Variants in PHF20L1 observed in about 807,000 individuals in gnomAD.
PHF20L1 encodes PHD finger protein 20-like protein 1.
PHF20L1 carries 44 observed loss-of-function variants against 125.5 expected under a neutral mutation model. The ratio of observed to expected loss-of-function variants is 0.35; its 90% confidence interval spans 0.28 to 0.45. The LOEUF is 0.45. Ranked by LOEUF, PHF20L1 falls within the 20% of genes least tolerant of loss-of-function variation. The pLI, the probability that PHF20L1 is intolerant of heterozygous loss-of-function variation, is 1.00. For synonymous variants in PHF20L1, 380 were observed against 403.1 expected, an observed-to-expected ratio of 0.94 and a Z score of 0.69; for missense variants, 1,012 against 1,217.2, an observed-to-expected ratio of 0.83 and a Z score of 2.51.
intron 2 of PHF20L1, among the ~76,000 whole-genome samples, chr8:132,790,918 A>C (rs1307182975): frequency 6.7e-6 from 1 of 149,636 alleles, no homozygotes; most frequent in African/African-American, 2.6e-5. Flanking sequence ...TACACTTACC[A>C]GTTTTACTAT....
At chr8:132,836,469 CTCCTT>C in intron 15 of PHF20L1, 66 bp from the exon 16 acceptor site, 1 of 991,940 alleles carries the variant, frequency 1.0e-6, no homozygotes, top group Non-Finnish European at 1.5e-6. Context: ...CTTCTCATAG[CTCCTT>C]TCTTTATGAA....
chr8:132,844,405 A>G (rs962157285), intron 20 of PHF20L1, 87 bp downstream of exon 20: 4 of 1,027,566 alleles, frequency 3.9e-6, no homozygotes, highest in East Asian at 5.1e-5. Flanking sequence ...AAATTATGGG[A>G]TGAAAACTGC....
At chr8:132,799,717 C>T (rs1832823167) in intron 6 of PHF20L1, 1 of 151,748 alleles carries the variant, frequency 6.6e-6, no homozygotes, top group African/African-American at 2.4e-5. Context: ...CAGCTTCAGT[C>T]AAGTGTAAAC....
chr8:132,834,109 AG>A (rs770202218), intron 15 of PHF20L1, among the ~76,000 whole-genome samples: 2 of 152,112 alleles, frequency 1.3e-5, no homozygotes, highest in Admixed American at 1.3e-4. Flanking sequence ...TTCAAGCGTA[AG>A]GGGGAACTTT....
At chr8:132,834,114 G>A (rs1250339531) in intron 15 of PHF20L1, among the ~76,000 whole-genome samples, 1 of 152,044 alleles carries the variant, frequency 6.6e-6, no homozygotes, top group Non-Finnish European at 1.5e-5. Flanking sequence ...GCGTAAGGGG[G>A]AACTTTTATT....
intron 2 of PHF20L1, among the ~76,000 whole-genome samples, chr8:132,778,145 G>C (rs1337980835): frequency 6.6e-6 from 1 of 152,108 alleles, no homozygotes; most frequent in East Asian, 1.9e-4. Flanking sequence ...TTTGGTGTTT[G>C]AGAAATGAAA....
intron 16 of PHF20L1, 135 bp from the exon 17 acceptor site, chr8:132,837,577 G>C: frequency 1.6e-6 from 1 of 618,820 alleles, no homozygotes; most frequent in Non-Finnish European, 2.9e-6. Context: ...TGATTTTGTT[G>C]TGTCAAATAA....
intron 2 of PHF20L1, among the ~76,000 whole-genome samples, chr8:132,787,211 G>A (rs2162141): frequency 0.41 from 62,495 of 151,410 alleles, 13,013 homozygotes; most frequent in South Asian, 0.51. Flanking sequence ...TTTTGATTTG[G>A]TTAGAACTGA....
chr8:132,827,570 A>G (rs1436595064), intron 14 of PHF20L1, among the ~76,000 whole-genome samples: 2 of 152,056 alleles, frequency 1.3e-5, no homozygotes, highest in African/African-American at 2.4e-5. Flanking sequence ...ACAAAACAAA[A>G]TAAGAAGGGG....
chr8:132,807,670 C>T, intron 8 of PHF20L1: 1 of 450,610 alleles, frequency 2.2e-6, no homozygotes, highest in South Asian at 1.6e-5. Context: ...TCTTTGTTCC[C>T]CTTTCCCATT....
intron 10 of PHF20L1, 163 bp downstream of exon 10, chr8:132,815,052 T>C: frequency 1.9e-6 from 1 of 535,296 alleles, no homozygotes; most frequent in Non-Finnish European, 3.3e-6. Context: ...CATAGACATT[T>C]CTTACTGATT....
intron 10 of PHF20L1, 177 bp downstream of exon 10, chr8:132,815,066 T>A: frequency 2.0e-6 from 1 of 503,274 alleles, no homozygotes. Context: ...ACTGATTTAT[T>A]GCTTAGAGAC....
chr8:132,794,630 A>T, intron 3 of PHF20L1, 49 bp downstream of exon 3: 2 of 1,516,884 alleles, frequency 1.3e-6, no homozygotes, highest in Non-Finnish European at 1.8e-6. Flanking sequence ...CTATGTAATG[A>T]CATATTTTAA....
At position 132,775,396 on chromosome 8, in the gene PHF20L1, C is replaced by CCGGCGGCGGAGG. The variant is rs1829552369; in HGVS notation, c.-277_-266dup. 2.4e-5 allele frequency: 9 copies of CCGGCGGCGGAGG among 379,706 alleles called. No individual in the cohort carries two copies. The highest frequency in any genetic ancestry group is 6.3e-5 in the African/African-American group (3 of 47,300). 23.5% of individuals were successfully genotyped at this position (379,706 alleles called of 1,614,324 possible). On this transcript the variant is annotated 5_prime_UTR_variant, in exon 1 of 21. Coordinates refer to ENST00000395386, the MANE Select transcript of PHF20L1 (RefSeq NM_016018.5). ...GGGCCCGGCGTCGCGTCAGGGCTGG[C>CCGGCGGCGGAGG]CGGCGGCGGAGGCGGCGGCGGCGGC...
chr8:132,806,096 G>A (rs1338256754), intron 8 of PHF20L1, among the ~76,000 whole-genome samples: 3 of 151,920 alleles, frequency 2.0e-5, no homozygotes, highest in East Asian at 1.9e-4. Context: ...TGGAGGAGTC[G>A]AGATCAAAGA....
At chr8:132,844,381 T>A in intron 20 of PHF20L1, 63 bp downstream of exon 20, 2 of 1,338,356 alleles carry the variant, frequency 1.5e-6, no homozygotes, top group South Asian at 2.6e-5. Flanking sequence ...ATGAAGAAGT[T>A]ACTTAAAATT....
intron 2 of PHF20L1, among the ~76,000 whole-genome samples, chr8:132,781,836 A>G (rs1830466874): frequency 6.6e-6 from 1 of 152,236 alleles, no homozygotes; most frequent in Non-Finnish European, 1.5e-5. Flanking sequence ...CTGAGAAGCC[A>G]TCAAGAGGTC....
At chr8:132,806,389 G>C (rs943966537) in intron 8 of PHF20L1, 1 of 151,946 alleles carries the variant, frequency 6.6e-6, no homozygotes, top group African/African-American at 2.4e-5. Context: ...TTGTAATACT[G>C]GTTGCTTAAA....
chr8:132,794,270 G>T, intron 2 of PHF20L1, 140 bp from the exon 3 acceptor site: 1 of 557,226 alleles, frequency 1.8e-6, no homozygotes, highest in South Asian at 2.9e-5. Context: ...GAGTTTTTTG[G>T]TTAGTTTTAA....
Sources: allele counts gnomAD v4.1 joint callset (sites outside exome capture counted in the v4.1 genomes callset), GRCh38; gene constraint gnomAD v4.1.1; transcripts MANE v1.5; gene names NCBI Gene and HGNC (gene_info 2026-07-23, HGNC 2026-07-21).